MAN2B1: variants seen among roughly 807,000 people sequenced by gnomAD.
MAN2B1 encodes lysosomal alpha-mannosidase.
In MAN2B1, 99 loss-of-function variants were observed where a neutral mutation model predicts 127.5. That is an observed-to-expected ratio of 0.78 (90% confidence interval 0.66 to 0.92). The LOEUF (loss-of-function observed/expected upper bound fraction) is 0.92, where lower values mean the gene tolerates loss of function less well. Among genes scored for constraint, MAN2B1 ranks in the 40% least tolerant of loss-of-function variants. The pLI is 0.00. For synonymous variants in MAN2B1, 573 were observed against 568.8 expected (o/e 1.01, Z -0.11); for missense variants, 1,304 against 1,384.8 (o/e 0.94, Z 0.93).
Position 12,647,569 on chromosome 19 carries a change from G to A in MAN2B1, c.2694C>T (p.Pro898=), listed in dbSNP as rs2023721432. The part of the protein sequence containing the change: ...QFSGLRRDLP[P]SVHLLTLASW... Reference sequence around the variant, plus strand: ...TGGCCAGCGTGAGCAGGTGCACCGAGGGCGGCAGGTCCCTGCGCAGCCCTG... The same window carrying A: ...TGGCCAGCGTGAGCAGGTGCACCGAAGGCGGCAGGTCCCTGCGCAGCCCTG... Residue 898 remains proline, a synonymous_variant, in exon 22 of 24, where the codon CCC becomes CCT. Transcript: ENST00000456935. This position sits in a 1 kb window ranked among gnomAD's most constrained non-coding sequence, Gnocchi z 4.9. 1 of 1,614,048 alleles carries A rather than the reference G, an allele frequency of 6.2e-7. No homozygotes were observed. Among genetic ancestry groups the A allele is most frequent in the Non-Finnish European group, 8.5e-7 (1 of 1,179,972 alleles).
Position 12,657,461 on chromosome 19 carries a change from G to A in MAN2B1, c.1404C>T (p.Gly468=). The A allele has an allele frequency of 6.4e-7, 1 of 1,555,706 alleles. No individual in the cohort carries two copies. The stretch of plus-strand genomic sequence containing the variant: ...CCCCGCGCACCTCGCAAGGCCCCCA[G>A]CCTGCCGCAAGCTGGCGCGCGTAGT... The part of the protein sequence containing the change: ...ANDYARQLAA[G]WGPCEVLLSN... Residue 468 remains glycine (G), a synonymous_variant, in exon 11 of 24, where the codon GGC becomes GGT. Coordinates refer to ENST00000456935, the MANE Select transcript of MAN2B1 (RefSeq NM_000528.4).
intron 6 of MAN2B1, 36 bp from the exon 7 acceptor site, chr19:12,661,412 C>A (rs1012652172): frequency 7.5e-7 from 1 of 1,339,374 alleles, no homozygotes; most frequent in Non-Finnish European, 1.1e-6. Context: ...GCCAGAGGAT[C>A]CTGGGCCATC....
At chr19:12,657,319 G>A (rs1415152659) in intron 11 of MAN2B1, 127 bp downstream of exon 11, 3 of 356,260 alleles carry the variant, frequency 8.4e-6, no homozygotes, top group Admixed American at 4.4e-5. Context: ...CCGCCCCCAC[G>A]AGCCCTTGTA....
intron 14 of MAN2B1, among the ~76,000 whole-genome samples, chr19:12,652,916 C>A (rs2023875545): frequency 6.6e-6 from 1 of 151,258 alleles, no homozygotes. Flanking sequence ...CTCACTACAG[C>A]CTCTGCCCCT....
chr19:12,660,315 C>A (rs1206633636), intron 7 of MAN2B1, among the ~76,000 whole-genome samples: 3 of 152,098 alleles, frequency 2.0e-5, no homozygotes, highest in Non-Finnish European at 4.4e-5. Context: ...ACCATCCTGG[C>A]CAACATGGTG....
chr19:12,648,189 G>T lies in MAN2B1; in HGVS notation c.2650C>A (p.Pro884Thr). 6.5e-7 allele frequency: 1 copy of T among 1,541,052 alleles called. No homozygotes were observed. The change falls in exon 21 of 24, where the codon CCT (proline) becomes ACT (threonine). Residue 884 changes from proline (P) to threonine (T), a missense_variant. Transcript: ENST00000456935. Reference protein sequence around the residue: ...GGGAAYNLGAPPRTQFSGLRR... With the variant: ...GGGAAYNLGATPRTQFSGLRR... ...CTGCCCCTCACCTGCGTGCGCGGAGGAGCCCCGAGATTGTAGGCGGCGCCG... is the reference window on the plus strand; with the variant it reads ...CTGCCCCTCACCTGCGTGCGCGGAGTAGCCCCGAGATTGTAGGCGGCGCCG...
Position 12,657,022 on chromosome 19 carries a change from C to A in MAN2B1, c.1454G>T (p.Gly485Val), listed in dbSNP as rs373553609. The change falls in exon 12 of 24, where the codon GGC becomes GTC. Residue 485 changes from glycine (G) to valine (V), a missense_variant. Gly to Val is a moderately radical substitution (Grantham distance 109). Coordinates refer to ENST00000456935, the MANE Select transcript of MAN2B1 (RefSeq NM_000528.4). ...LLSNALARLR[G>V]FKDHFTFCQQ... ...GCAAAAGGTGAAGTGATCTTTGAAG[C>A]CTCTGAGCCGCGCCAGCGCGTTGCT... The A allele has an allele frequency of 6.2e-7, 1 of 1,613,252 alleles. No individual in the cohort carries two copies. The highest frequency in any genetic ancestry group is 1.3e-5 in the African/African-American group (1 of 75,060).
intron 19 of MAN2B1, 46 bp from the exon 20 acceptor site, chr19:12,649,262 A>G: frequency 6.2e-7 from 1 of 1,603,992 alleles, no homozygotes; most frequent in South Asian, 1.1e-5. Context: ...CCCCAACCCC[A>G]GGCAGCTTTG....
intron 16 of MAN2B1, among the ~76,000 whole-genome samples, chr19:12,650,579 C>T (rs1249755129): frequency 1.9e-4 from 29 of 151,800 alleles, no homozygotes; most frequent in Admixed American, 1.8e-3. Flanking sequence ...AGGATGGTCT[C>T]GATCTCCTGA....
rs80338680 is a variant in MAN2B1, at chr19:12,649,932, G to C, written c.2248C>G (p.Arg750Gly). The change falls in exon 18 of 24, where the codon CGG becomes GGG. Residue 750 changes from arginine (R) to glycine (G), a missense_variant. Arg to Gly is a moderately radical substitution (Grantham distance 125). Coordinates refer to ENST00000456935, the MANE Select transcript of MAN2B1 (RefSeq NM_000528.4). ...CCCCACCTCCTCTCCAGGATCTCCC[G>C]GCCATTGCTGTCTGTGTAGAAGCGT... The part of the protein sequence containing the change: ...KGRFYTDSNG[R>G]EILERRRDYR... 3 of 1,602,342 alleles carry C rather than the reference G, an allele frequency of 1.9e-6. No individual in the cohort carries two copies. Among genetic ancestry groups the C allele is most frequent in the Non-Finnish European group, 2.6e-6 (3 of 1,175,558 alleles).
At chr19:12,666,148 G>A (rs935122742) in intron 1 of MAN2B1, among the ~76,000 whole-genome samples, 1 of 152,100 alleles carries the variant, frequency 6.6e-6, no homozygotes, top group Admixed American at 6.6e-5. Context: ...GCTTAGAGAG[G>A]ATAGGTGACT....
intron 19 of MAN2B1, 62 bp from the exon 20 acceptor site, chr19:12,649,278 C>A (rs1330171526): frequency 3.1e-6 from 5 of 1,602,614 alleles, no homozygotes; most frequent in Non-Finnish European, 4.3e-6. Context: ...CTTTGAGATG[C>A]TGCAGATAAG....
In MAN2B1 at chr19:12,657,474, T is replaced by C; in HGVS notation, c.1391A>G (p.Gln464Arg). 1 of 1,561,978 alleles carries C rather than the reference T, an allele frequency of 6.4e-7. No homozygotes were observed. Among genetic ancestry groups the C allele is most frequent in the South Asian group, 1.2e-5 (1 of 84,950 alleles). Residue 464 changes from glutamine (Q) to arginine (R), a missense_variant, in exon 11 of 24, where the codon CAG becomes CGG. Physicochemically the swap from Gln to Arg is conservative, Grantham distance 43 (BLOSUM62 1). Transcript: ENST00000456935. ...RQHVANDYAR[Q>R]LAAGWGPCEV... Reference sequence around the variant, plus strand: ...GCAAGGCCCCCAGCCTGCCGCAAGCTGGCGCGCGTAGTCGTTGGCCACGTG... The same window carrying C: ...GCAAGGCCCCCAGCCTGCCGCAAGCCGGCGCGCGTAGTCGTTGGCCACGTG...
chr19:12,653,448 CT>C (rs1406916290), intron 14 of MAN2B1, among the ~76,000 whole-genome samples: 2 of 151,716 alleles, frequency 1.3e-5, no homozygotes, highest in East Asian at 2.0e-4. Flanking sequence ...CGCCTGGCCC[CT>C]TTTTTTCTCA....
In MAN2B1 at chr19:12,663,383, G is replaced by A. The variant is rs886054232; in HGVS notation, c.843C>T (p.Asp281=). The part of the protein sequence containing the change: ...VLCVDQPLVE[D]PRSPEYNAKE... ...TGGCGTTGTACTCGGGGCTGCGAGGGTCCTCCACCAGCGGCTGATCGACAC... is the reference window on the plus strand; with the variant it reads ...TGGCGTTGTACTCGGGGCTGCGAGGATCCTCCACCAGCGGCTGATCGACAC... The change falls in exon 6 of 24, where the codon GAC becomes GAT. Residue 281 remains aspartate (D), a synonymous_variant. Transcript: ENST00000456935. The A allele has an allele frequency of 2.5e-6, 4 of 1,614,050 alleles. No homozygotes were observed. The highest frequency in any genetic ancestry group is 2.2e-5 in the East Asian group (1 of 44,882).
rs1386530532 is a variant in MAN2B1, at chr19:12,647,506, G to T, written c.2757C>A (p.His919Gln). 1 of 1,614,136 alleles carries T rather than the reference G, an allele frequency of 6.2e-7. No homozygotes were observed. Among genetic ancestry groups the T allele is most frequent in the East Asian group, 2.2e-5 (1 of 44,896 alleles). Reference sequence around the variant, plus strand: ...CGGAATCCTCTCCTACGGCAAACTGGTGCTCCAAGCGCAGCAGCACCATTT... The same window carrying T: ...CGGAATCCTCTCCTACGGCAAACTGTTGCTCCAAGCGCAGCAGCACCATTT... ...GPEMVLLRLEHQFAVGEDSGR... is the reference protein window; with the variant it reads ...GPEMVLLRLEQQFAVGEDSGR... The change falls in exon 22 of 24, where the codon CAC becomes CAA. Residue 919 changes from histidine to glutamine, a missense_variant. By Grantham distance (24) the His-to-Gln change is conservative. Transcript: ENST00000456935. The surrounding 1 kb of genome is among the most constrained non-coding windows in gnomAD (Gnocchi z 4.9).
At chr19:12,648,807 C>G (rs1023650029) in intron 20 of MAN2B1, among the ~76,000 whole-genome samples, 1 of 152,098 alleles carries the variant, frequency 6.6e-6, no homozygotes, top group African/African-American at 2.4e-5. Flanking sequence ...CCAGCCTGGC[C>G]AACATGGTGA....
At chr19:12,661,412 C>T in intron 6 of MAN2B1, 36 bp from the exon 7 acceptor site, 1 of 1,339,374 alleles carries the variant, frequency 7.5e-7, no homozygotes, top group Non-Finnish European at 1.1e-6. Context: ...GCCAGAGGAT[C>T]CTGGGCCATC....
rs1230398007 is a variant in MAN2B1, at chr19:12,647,344, A to T, written c.2821-9T>A. 1 of 1,613,502 alleles carries T rather than the reference A, an allele frequency of 6.2e-7. No homozygotes were observed. Among genetic ancestry groups the T allele is most frequent in the East Asian group, 2.2e-5 (1 of 44,876 alleles). On this transcript the variant is annotated splice_polypyrimidine_tract_variant and intron_variant, in intron 22 of 23. Coordinates refer to ENST00000456935, the MANE Select transcript of MAN2B1 (RefSeq NM_000528.4). This position sits in a 1 kb window ranked among gnomAD's most constrained non-coding sequence, Gnocchi z 4.9. ...AAGGTGGAGAACAGGTCCTGCGGGG[A>T]AGGGGATGGGCCCAGATGAGTTGGG...
Sources: gnomAD v4.1 joint callset for allele counts (sites outside exome capture counted in the v4.1 genomes callset) on GRCh38, gnomAD v4.1.1 for gene constraint, Gnocchi (gnomAD v3.1) non-coding constraint, MANE v1.5 for transcripts, NCBI Gene and HGNC (gene_info 2026-07-23, HGNC 2026-07-21) for gene names.